Variants in AMPH observed in about 807,000 individuals in gnomAD.
AMPH encodes amphiphysin (Stiff-Mann syndrome with breast cancer 128kD autoantigen).
In AMPH, 49 loss-of-function variants were observed where a neutral mutation model predicts 99.1. The ratio of observed to expected loss-of-function variants is 0.49; its 90% CI spans 0.39 to 0.63. The LOEUF is 0.63. AMPH is among the 20% of genes least tolerant of loss of function. The probability of loss-of-function intolerance (pLI) is 0.00; values close to 1 mark genes in which losing one functional copy is unlikely to be tolerated. For synonymous variants in AMPH, 314 were observed against 317.3 expected, an observed-to-expected ratio of 0.99 and a Z score of 0.11; for missense variants, 759 against 863.4, an observed-to-expected ratio of 0.88 and a Z score of 1.52.
At chr7:38,393,334 C>T (rs1562723300) in intron 18 of AMPH, among the ~76,000 whole-genome samples, 1 of 152,156 alleles carries the variant, frequency 6.6e-6, no homozygotes, top group African/African-American at 2.4e-5. Flanking sequence ...TACCATTAAG[C>T]CCTCTCTTAA....
chr7:38,490,357 G>A (rs1230530633), intron 5 of AMPH, among the ~76,000 whole-genome samples: 2 of 152,048 alleles, frequency 1.3e-5, no homozygotes. Flanking sequence ...GATCCATTTA[G>A]TTTCATTTAC....
intron 2 of AMPH, among the ~76,000 whole-genome samples, chr7:38,515,353 C>G (rs576599349): frequency 1.3e-5 from 2 of 152,270 alleles, no homozygotes; most frequent in East Asian, 1.9e-4. Context: ...TTCCCCCTTG[C>G]TATTCTCATA....
chr7:38,592,816 G>A lies in AMPH; in HGVS notation c.69+38467C>T, dbSNP rs535810416. Among the ~76,000 whole-genome samples the A allele has an allele frequency of 7.2e-5, 11 of 152,086 alleles. No individual in the cohort carries two copies. The South Asian group carries it at 1.3e-3, about 17-fold the overall frequency. ...CAGCTACTGAGACTCCCTGCATCTC[G>A]GTTCACTAATCAATAAAGAGGAAAT... On this transcript the variant is annotated intron_variant, in intron 1 of 20. Transcript: ENST00000356264.
At chr7:38,477,950 TACA>T (rs939409676) in intron 5 of AMPH, among the ~76,000 whole-genome samples, 1 of 152,042 alleles carries the variant, frequency 6.6e-6, no homozygotes, top group Admixed American at 6.5e-5. Context: ...ACCTGACTCC[TACA>T]ACAAGTAGTG....
At position 38,456,932 on chromosome 7, in the gene AMPH, G is replaced by A. The variant is rs374313845; in HGVS notation, c.1017+4351C>T. ...CTTGTCCTCAGCAAAACTTTACCCTGGCCCCCTGCTAGCAAATGCACCCTA... is the reference window on the plus strand; with the variant it reads ...CTTGTCCTCAGCAAAACTTTACCCTAGCCCCCTGCTAGCAAATGCACCCTA... On this transcript the variant is annotated intron_variant, in intron 11 of 20. Coordinates refer to ENST00000356264, the MANE Select transcript of AMPH (RefSeq NM_001635.4). 1.4e-4 allele frequency among the ~76,000 whole-genome samples: 22 copies of A among 152,236 alleles called. 1 individual carries two copies. The highest frequency in any genetic ancestry group is 5.3e-4 in the African/African-American group (22 of 41,546).
intron 17 of AMPH, among the ~76,000 whole-genome samples, chr7:38,395,308 T>C (rs1784637429): frequency 6.6e-6 from 1 of 152,188 alleles, no homozygotes; most frequent in Non-Finnish European, 1.5e-5. Context: ...ATATGCATGG[T>C]AATGCTCCAA....
At chr7:38,542,291 A>G (rs1225889519) in intron 1 of AMPH, among the ~76,000 whole-genome samples, 1 of 152,226 alleles carries the variant, frequency 6.6e-6, no homozygotes, top group African/African-American at 2.4e-5. Flanking sequence ...GAGTCATCCC[A>G]TGAGACTCGG....
intron 10 of AMPH, 134 bp downstream of exon 10, chr7:38,462,841 G>T: frequency 1.0e-6 from 1 of 959,274 alleles, no homozygotes; most frequent in Non-Finnish European, 1.5e-6. Context: ...CAATCACAAT[G>T]CCTAAAGCCT....
chr7:38,509,453 T>C (rs1257592924), intron 2 of AMPH, among the ~76,000 whole-genome samples: 2 of 152,224 alleles, frequency 1.3e-5, no homozygotes, highest in Non-Finnish European at 2.9e-5. Context: ...CTAATAATCA[T>C]ATGTACAATC....
chr7:38,545,279 C>T (rs1790953514), intron 1 of AMPH, among the ~76,000 whole-genome samples: 1 of 152,148 alleles, frequency 6.6e-6, no homozygotes, highest in African/African-American at 2.4e-5. Flanking sequence ...TCCATCAGAT[C>T]TGCTAATACC....
intron 4 of AMPH, among the ~76,000 whole-genome samples, chr7:38,492,914 A>G (rs1788781191): frequency 6.6e-6 from 1 of 152,180 alleles, no homozygotes; most frequent in African/African-American, 2.4e-5. Context: ...ATTTAGCAAC[A>G]TGATGTTGAA....
intron 11 of AMPH, among the ~76,000 whole-genome samples, chr7:38,452,509 C>A (rs10245658): frequency 6.6e-6 from 1 of 152,192 alleles, no homozygotes; most frequent in African/African-American, 2.4e-5. Context: ...GACCTATAAT[C>A]TGATCAACAC....
At chr7:38,627,584 G>A (rs1584322158) in intron 1 of AMPH, among the ~76,000 whole-genome samples, 1 of 150,262 alleles carries the variant, frequency 6.7e-6, no homozygotes, top group African/African-American at 2.5e-5. Context: ...GAACCCAGGA[G>A]GTGGAGCTTG....
intron 17 of AMPH, among the ~76,000 whole-genome samples, chr7:38,409,044 G>A (rs1482450278): frequency 1.3e-5 from 2 of 152,164 alleles, no homozygotes; most frequent in Non-Finnish European, 2.9e-5. Flanking sequence ...TAGAAGGGAG[G>A]AACTATTATA....
chr7:38,474,878 T>C (rs925847708), intron 7 of AMPH, among the ~76,000 whole-genome samples: 1 of 152,164 alleles, frequency 6.6e-6, no homozygotes, highest in African/African-American at 2.4e-5. Context: ...AGTAGAGGCT[T>C]ACCATCTAAG....
At chr7:38,387,506 G>T (rs959607105) in intron 20 of AMPH, among the ~76,000 whole-genome samples, 1 of 152,006 alleles carries the variant, frequency 6.6e-6, no homozygotes, top group African/African-American at 2.4e-5. Flanking sequence ...AAAGTCACTG[G>T]ATAAATTTAA....
intron 1 of AMPH, among the ~76,000 whole-genome samples, chr7:38,574,515 A>T (rs1472479998): frequency 6.6e-6 from 1 of 152,220 alleles, no homozygotes; most frequent in Non-Finnish European, 1.5e-5. Context: ...CTGAAATGAG[A>T]TTTGCAATTG....
intron 5 of AMPH, among the ~76,000 whole-genome samples, chr7:38,487,511 C>G (rs570797021): frequency 1.3e-5 from 2 of 152,210 alleles, no homozygotes; most frequent in South Asian, 2.1e-4. Context: ...ATACCTTATA[C>G]AAAAATTAAC....
Position 38,429,249 on chromosome 7 carries a change from G to A in AMPH, c.1182+593C>T, listed in dbSNP as rs367894133. On this transcript the variant is annotated intron_variant, in intron 14 of 20. Coordinates refer to ENST00000356264, the MANE Select transcript of AMPH (RefSeq NM_001635.4). ...AGCAGCAATGGCAACTCCAGCCTCC[G>A]GCGCAGGCTTTGGGGGCAGTTGTTC... The A allele has an allele frequency of 1.5e-4, 193 of 1,286,860 alleles. 1 individual carries two copies. The African/African-American group carries it at 1.8e-3, about 12-fold the overall frequency. The allele number at this position is 1,286,860 out of a possible 1,614,324, so 79.7% of individuals were successfully genotyped here. A position where few individuals can be genotyped will look rare whatever the true frequency, so the allele number is the denominator to read the frequency against.
Sources: gnomAD v4.1 joint callset for allele counts (sites outside exome capture counted in the v4.1 genomes callset) on GRCh38, gnomAD v4.1.1 for gene constraint, MANE v1.5 for transcripts, NCBI Gene and HGNC (gene_info 2026-07-23, HGNC 2026-07-21) for gene names.